CPLX2: variants seen among roughly 807,000 people sequenced by gnomAD.
The protein encoded by CPLX2 is complexin 2, also known as complexin-2.
In CPLX2, 5 loss-of-function variants were observed where a neutral mutation model predicts 16.3. That is an observed-to-expected ratio of 0.31 (90% CI 0.16 to 0.64). The LOEUF (loss-of-function observed/expected upper bound fraction) is 0.64, where lower values mean the gene tolerates loss of function less well. Among genes scored for constraint, CPLX2 ranks in the 30% least tolerant of loss-of-function variants. The probability of loss-of-function intolerance (pLI) is 0.79; values close to 1 mark genes in which losing one functional copy is unlikely to be tolerated. For synonymous variants in CPLX2, 89 were observed against 73.2 expected (o/e 1.22, Z -1.10); for missense variants, 144 against 181.4 (o/e 0.79, Z 1.18).
At chr5:175,798,333 T>G (rs1179056328) in intron 1 of CPLX2, among the ~76,000 whole-genome samples, 2 of 152,224 alleles carry the variant, frequency 1.3e-5, no homozygotes, top group African/African-American at 4.8e-5. Context: ...CTATCATACT[T>G]TCTGTAAACT....
chr5:175,800,900 G>A lies in CPLX2; in HGVS notation c.-169+4116G>A, dbSNP rs79273212. On this transcript the variant is annotated intron_variant, in intron 1 of 4. Transcript: ENST00000359546. ...AACTAGTGACATGGAATTGAGGCCTGAATGACAAAAGTCAGTCATGTGACA... is the reference window on the plus strand; with the variant it reads ...AACTAGTGACATGGAATTGAGGCCTAAATGACAAAAGTCAGTCATGTGACA... Among the ~76,000 whole-genome samples, 605 of 152,302 alleles carry A rather than the reference G, an allele frequency of 4.0e-3. 16 individuals are homozygous for A. In the East Asian group the frequency reaches 0.044, roughly 11 times the overall value.
intron 2 of CPLX2, among the ~76,000 whole-genome samples, chr5:175,835,550 C>T (rs1758813427): frequency 6.6e-6 from 1 of 152,018 alleles, no homozygotes; most frequent in African/African-American, 2.4e-5. Context: ...TGCAAAAATC[C>T]TCACAAAATA....
At chr5:175,860,478 G>GAAGA (rs1176984409) in intron 2 of CPLX2, among the ~76,000 whole-genome samples, 47 of 136,420 alleles carry the variant, frequency 3.4e-4, no homozygotes, top group African/African-American at 6.1e-4. Context: ...GAGAGAGAAA[G>GAAGA]AAGAAAGAAA....
intron 1 of CPLX2, chr5:175,878,405 T>C (rs1206483452): frequency 2.4e-6 from 1 of 419,462 alleles, no homozygotes; most frequent in Middle Eastern, 6.3e-4. Context: ...ATCTGAACAA[T>C]AGGGTCAAGA....
At chr5:175,840,780 G>A (rs911648834) in intron 2 of CPLX2, among the ~76,000 whole-genome samples, 6 of 152,232 alleles carry the variant, frequency 3.9e-5, no homozygotes, top group Non-Finnish European at 8.8e-5. Flanking sequence ...AGACTGTCTT[G>A]CAAAAATGTC....
chr5:175,818,904 C>T (rs886449347), intron 2 of CPLX2, among the ~76,000 whole-genome samples: 2 of 152,016 alleles, frequency 1.3e-5, no homozygotes, highest in African/African-American at 4.8e-5. Flanking sequence ...ATCTCATGAT[C>T]GGCCCACCTC....
intron 2 of CPLX2, among the ~76,000 whole-genome samples, chr5:175,812,787 A>G (rs1758337039): frequency 1.3e-5 from 2 of 152,244 alleles, no homozygotes; most frequent in Admixed American, 1.3e-4. Context: ...GCCTCAAAGA[A>G]GAAGCCCTAG....
intron 1 of CPLX2, among the ~76,000 whole-genome samples, chr5:175,797,127 C>A (rs1757998087): frequency 6.6e-6 from 1 of 152,222 alleles, no homozygotes. Flanking sequence ...CCCTCGCCCC[C>A]GCGGGCCGCT....
intron 2 of CPLX2, among the ~76,000 whole-genome samples, chr5:175,844,206 G>A (rs1033560140): frequency 4.6e-5 from 7 of 152,254 alleles, no homozygotes; most frequent in African/African-American, 1.4e-4. Context: ...AACACGCCAA[G>A]AGGAACAGCC....
rs144885631 is a variant in CPLX2 at position 175,841,492 on chromosome 5, G to A, written c.-89+32424G>A. On this transcript the variant is annotated intron_variant, in intron 2 of 4. Coordinates refer to the CPLX2 transcript ENST00000359546. ...AATAGAGGCAACCAGAGCAGGGAACGTGGGGTACACCTGCCCCACTCCTCA... is the reference window on the plus strand; with the variant it reads ...AATAGAGGCAACCAGAGCAGGGAACATGGGGTACACCTGCCCCACTCCTCA... 4.7e-4 allele frequency among the ~76,000 whole-genome samples: 72 copies of A among 152,316 alleles called. 1 individual carries two copies. Among genetic ancestry groups the A allele is most frequent in the African/African-American group, 1.4e-3 (57 of 41,578 alleles).
chr5:175,837,910 T>G (rs1561779297), intron 2 of CPLX2: 1 of 152,236 alleles, frequency 6.6e-6, no homozygotes. Context: ...CCATGCAACT[T>G]GCAGTCTAGT....
chr5:175,830,485 T>G lies in CPLX2; in HGVS notation c.-89+21417T>G, dbSNP rs1032399039. ...AGAGTGAAGCGAGGCAGCCCTCCTT[T>G]AGGAGGGGGAGTTTTAGGGGTGAAG... On this transcript the variant is annotated intron_variant, in intron 2 of 4. Transcript: ENST00000359546. This position sits in a 1 kb window ranked among gnomAD's most constrained non-coding sequence, Gnocchi z 4.0. 1.3e-5 allele frequency among the ~76,000 whole-genome samples: 2 copies of G among 152,054 alleles called. No individual in the cohort carries two copies. Among genetic ancestry groups the G allele is most frequent in the African/African-American group, 4.8e-5 (2 of 41,416 alleles).
chr5:175,812,740 T>G (rs771020588), intron 2 of CPLX2, among the ~76,000 whole-genome samples: 13 of 152,132 alleles, frequency 8.5e-5, no homozygotes, highest in Non-Finnish European at 1.8e-4. Flanking sequence ...AAGAAGGTTC[T>G]CAGGGCCCAT....
upstream of CPLX2, among the ~76,000 whole-genome samples, chr5:175,871,073 C>A (rs940781502): frequency 1.3e-5 from 2 of 152,056 alleles, no homozygotes; most frequent in African/African-American, 4.8e-5. Flanking sequence ...GTGGCAGGAG[C>A]CGCAAGAAGT....
chr5:175,821,510 T>C (rs1176088915), intron 2 of CPLX2, among the ~76,000 whole-genome samples: 1 of 152,088 alleles, frequency 6.6e-6, no homozygotes, highest in African/African-American at 2.4e-5. Context: ...TGGGTTCAAG[T>C]GATTCTCCCG....
chr5:175,819,594 A>C (rs1453515221), intron 2 of CPLX2, among the ~76,000 whole-genome samples: 2 of 152,118 alleles, frequency 1.3e-5, no homozygotes, highest in Non-Finnish European at 2.9e-5. Flanking sequence ...GCCGCCTTTC[A>C]TTTTAGAAAG....
chr5:175,820,130 G>A (rs1238770426), intron 2 of CPLX2, among the ~76,000 whole-genome samples: 2 of 152,134 alleles, frequency 1.3e-5, no homozygotes. Context: ...GTCAGCTCCT[G>A]TCTCTGCCAC....
chr5:175,806,922 C>A (rs1018793549), intron 1 of CPLX2, among the ~76,000 whole-genome samples: 1 of 152,190 alleles, frequency 6.6e-6, no homozygotes, highest in Non-Finnish European at 1.5e-5. Context: ...GGCCTCCGTG[C>A]CATCCTCTGT....
chr5:175,802,520 C>T (rs369455988), intron 1 of CPLX2, among the ~76,000 whole-genome samples: 1 of 152,204 alleles, frequency 6.6e-6, no homozygotes, highest in East Asian at 1.9e-4. Flanking sequence ...GTCTCTGACT[C>T]GTCGGAAGCT....
Sources: gnomAD v4.1 joint callset for allele counts (sites outside exome capture counted in the v4.1 genomes callset) on GRCh38, gnomAD v4.1.1 for gene constraint, Gnocchi (gnomAD v3.1) non-coding constraint, MANE v1.5 for transcripts, NCBI Gene and HGNC (gene_info 2026-07-23, HGNC 2026-07-21) for gene names.